ABCA3: variants seen among roughly 807,000 people sequenced by gnomAD.
The protein encoded by ABCA3 is ATP binding cassette subfamily A member 3, also known as phospholipid-transporting ATPase ABCA3.
In ABCA3, 88 loss-of-function variants were observed where a neutral mutation model predicts 172.8. That is an observed-to-expected ratio of 0.51 (90% confidence interval 0.43 to 0.61). The LOEUF (loss-of-function observed/expected upper bound fraction) is 0.61. ABCA3 is among the 20% of genes least tolerant of loss of function. The pLI is 0.00. For synonymous variants in ABCA3, 1,066 were observed against 983.8 expected (o/e 1.08, Z -1.56); for missense variants, 2,164 against 2,301.0 (o/e 0.94, Z 1.22).
chr16:2,292,685 C>T (rs1325973190), intron 18 of ABCA3, among the ~76,000 whole-genome samples: 32 of 152,128 alleles, frequency 2.1e-4, no homozygotes, highest in Admixed American at 2.0e-3. Context: ...TTTGGGAGGC[C>T]GAGGTGGGCG....
At chr16:2,313,566 A>G (rs962388430) in intron 10 of ABCA3, among the ~76,000 whole-genome samples, 8 of 151,176 alleles carry the variant, frequency 5.3e-5, no homozygotes, top group Non-Finnish European at 1.2e-4. Context: ...AAAAAAAAAA[A>G]AAAAAAGAAG....
chr16:2,329,479 T>G lies in ABCA3; in HGVS notation c.-332+169A>C, dbSNP rs2093739703. ...ATAAAACCGTCACAGTTCAAAGAAG[T>G]CTTCTGGTTAGAGGAACAGACAACC... On this transcript the variant is annotated intron_variant, in intron 2 of 32. Transcript: ENST00000301732. Among the ~76,000 whole-genome samples, 5 of 152,234 alleles carry G rather than the reference T, an allele frequency of 3.3e-5. No individual in the cohort carries two copies. In the South Asian group the frequency reaches 6.2e-4, roughly 19 times the overall value.
Position 2,284,496 on chromosome 16 carries a change from A to G in ABCA3, c.3704-59T>C. 6.2e-7 allele frequency: 1 copy of G among 1,603,812 alleles called. No individual in the cohort carries two copies. Among genetic ancestry groups the G allele is most frequent in the Non-Finnish European group, 8.5e-7 (1 of 1,172,160 alleles). ...AGGGCACACCACACCCACCTCCAGG[A>G]CGGGCCTGGTCAGGGCGGGCACAGG... On this transcript the variant is annotated intron_variant, in intron 24 of 32. Transcript: ENST00000301732. This position sits in a 1 kb window ranked among gnomAD's most constrained non-coding sequence, Gnocchi z 5.9.
Position 2,281,637 on chromosome 16 carries a change from T to A in ABCA3, c.4036-128A>T. 8.3e-7 allele frequency: 1 copy of A among 1,199,124 alleles called. No individual in the cohort carries two copies. Among genetic ancestry groups the A allele is most frequent in the Non-Finnish European group, 1.2e-6 (1 of 833,516 alleles). 74.3% of individuals were successfully genotyped at this position (1,199,124 alleles called of 1,614,324 possible). ...AGGCCTTCAAGGCTTCTCGTCCCAA[T>A]CTCAGGCCCCACAGGTGCGACTCAG... On this transcript the variant is annotated intron_variant, in intron 26 of 32. Transcript: ENST00000301732. This position sits in a 1 kb window ranked among gnomAD's most constrained non-coding sequence, Gnocchi z 4.7.
chr16:2,295,731 T>C lies in ABCA3; in HGVS notation c.2273A>G (p.Tyr758Cys), dbSNP rs769831234. ...LFLKQKYGAGYHMTLVKEPHC... is the reference protein window; with the variant it reads ...LFLKQKYGAGCHMTLVKEPHC... The stretch of plus-strand genomic sequence containing the variant: ...CGGCTCCTTCACCAGCGTCATGTGA[T>C]AGCCGGCACCTGGAATACAGGGCCA... Residue 758 changes from tyrosine (Y) to cysteine (C), a missense_variant, in exon 18 of 33, where the codon TAT (tyrosine) becomes TGT (cysteine). By Grantham distance (194) the Tyr-to-Cys change is radical. This residue lies in a region of ABCA3 where 1,343 missense variants were observed against 1,369.6 expected (regional missense o/e 0.98). Coordinates refer to ENST00000301732, the MANE Select transcript of ABCA3 (RefSeq NM_001089.3). 5 of 1,613,924 alleles carry C rather than the reference T, an allele frequency of 3.1e-6. No homozygotes were observed. Among genetic ancestry groups the C allele is most frequent in the East Asian group, 2.2e-5 (1 of 44,884 alleles).
chr16:2,297,514 G>A lies in ABCA3; in HGVS notation c.2078C>T (p.Ser693Leu), dbSNP rs200835546. ...CCTCCTGGAGATGGCGTCCATGCCCGAGGTGGGCTCGTCCAGTATCAGCAC... is the reference window on the plus strand; with the variant it reads ...CCTCCTGGAGATGGCGTCCATGCCCAAGGTGGGCTCGTCCAGTATCAGCAC... ...SKVLILDEPT[S>L]GMDAISRRAI... is the part of the protein sequence containing the mutation. Residue 693 changes from serine (S) to leucine (L), a missense_variant, in exon 17 of 33, where the codon TCG becomes TTG. By Grantham distance (145) the Ser-to-Leu change is moderately radical. Coordinates refer to ENST00000301732, the MANE Select transcript of ABCA3 (RefSeq NM_001089.3). The surrounding 1 kb of genome is among the most constrained non-coding windows in gnomAD (Gnocchi z 5.6). The A allele has an allele frequency of 3.7e-4, 592 of 1,612,876 alleles. No homozygotes were observed. The highest frequency in any genetic ancestry group is 4.3e-4 in the Non-Finnish European group (505 of 1,179,962).
chr16:2,324,769 C>G (rs2093731717), intron 5 of ABCA3, among the ~76,000 whole-genome samples: 1 of 152,072 alleles, frequency 6.6e-6, no homozygotes, highest in Admixed American at 6.6e-5. Flanking sequence ...TTTTTTGGAG[C>G]AGAGCTGGAG....
intron 7 of ABCA3, among the ~76,000 whole-genome samples, chr16:2,320,414 C>G (rs2093724249): frequency 7.6e-6 from 1 of 132,430 alleles, no homozygotes; most frequent in Non-Finnish European, 1.6e-5. Context: ...TTTTTTGAGA[C>G]AGTCTTGCTC....
chr16:2,287,287 TC>T lies in ABCA3; in HGVS notation c.3005-321del, dbSNP rs928306574. Among the ~76,000 whole-genome samples the T allele has an allele frequency of 6.6e-6, 1 of 151,080 alleles. No homozygotes were observed. The highest frequency in any genetic ancestry group is 2.4e-5 in the African/African-American group (1 of 41,324). The stretch of plus-strand genomic sequence containing the variant: ...TCCAACTATGACTACCAAGACTCTT[TC>T]TTTTTTTTTTTGAGACAGTCTTGCT... On this transcript the variant is annotated intron_variant, in intron 21 of 32. Coordinates refer to ENST00000301732, the MANE Select transcript of ABCA3 (RefSeq NM_001089.3). The surrounding 1 kb of genome is among the most constrained non-coding windows in gnomAD (Gnocchi z 4.1).
chr16:2,300,182 T>G, intron 12 of ABCA3, 34 bp from the exon 13 acceptor site: 1 of 1,612,680 alleles, frequency 6.2e-7, no homozygotes, highest in Non-Finnish European at 8.5e-7. Flanking sequence ...CAGTTTGTTT[T>G]GTTTGTGACG....
intron 10 of ABCA3, among the ~76,000 whole-genome samples, chr16:2,314,872 CTTTTTTT>C (rs35616252): frequency 1.2e-4 from 11 of 93,472 alleles, no homozygotes; most frequent in Admixed American, 3.8e-4. Flanking sequence ...AGTGCCTGGT[CTTTTTTT>C]TTTTTTTTTT....
chr16:2,298,468 CG>C lies in ABCA3; in HGVS notation c.1813del (p.Arg605GlyfsTer17). On this transcript the variant is annotated frameshift_variant, in exon 15 of 33. Transcript: ENST00000301732. LOFTEE classifies it high-confidence loss of function. ...YEISQDMVQI[R>X]KSLGLCPQHD... The stretch of plus-strand genomic sequence containing the variant: ...CTGCGGGCACAGGCCCAGGCTCTTC[CG>C]GATCTGAACCATGTCCTGGGAAATT... 1.2e-6 allele frequency: 2 copies of C among 1,614,086 alleles called. No individual in the cohort carries two copies. The highest frequency in any genetic ancestry group is 1.7e-6 in the Non-Finnish European group (2 of 1,180,038).
chr16:2,289,967 A>ACACG (rs1328413643), intron 19 of ABCA3, among the ~76,000 whole-genome samples: 1 of 144,252 alleles, frequency 6.9e-6, no homozygotes, highest in African/African-American at 2.5e-5. Flanking sequence ...TACATCACAC[A>ACACG]CACACACACA....
Position 2,284,947 on chromosome 16 carries a change from C to T in ABCA3, c.3535G>A (p.Ala1179Thr), listed in dbSNP as rs2093660508. Residue 1179 changes from alanine to threonine, a missense_variant, in exon 24 of 33, where the codon GCT (alanine) becomes ACT (threonine). This residue lies in a region of ABCA3 where 795 missense variants were observed against 881.9 expected (regional missense o/e 0.90). Coordinates refer to ENST00000301732, the MANE Select transcript of ABCA3 (RefSeq NM_001089.3). This position sits in a 1 kb window ranked among gnomAD's most constrained non-coding sequence, Gnocchi z 5.9. ...VRAFTRDGHM[A>T]DTLLLLLLYG... ...AGCAGGAGCAGCAGCAGGGTGTCAG[C>T]CATGTGGCCGTCCCGCGTGAAGGCA... 1.9e-6 allele frequency: 3 copies of T among 1,613,734 alleles called. No individual in the cohort carries two copies. The highest frequency in any genetic ancestry group is 1.3e-5 in the African/African-American group (1 of 74,896).
rs770447763 is a variant in ABCA3, at chr16:2,285,673, C to T, written c.3279-27G>A. 1.7e-5 allele frequency: 26 copies of T among 1,550,172 alleles called. No individual in the cohort carries two copies. The highest frequency in any genetic ancestry group is 4.9e-5 in the East Asian group (2 of 40,918). ...TGCGGGGGACAGAGAAGGTCAGGGA[C>T]GGAGCACAGCACGTCTGGGTGGCAG... On this transcript the variant is annotated intron_variant, in intron 22 of 32. Coordinates refer to ENST00000301732, the MANE Select transcript of ABCA3 (RefSeq NM_001089.3). The surrounding 1 kb of genome is among the most constrained non-coding windows in gnomAD (Gnocchi z 4.7).
rs1596828565 is a variant in ABCA3, at chr16:2,279,892, A to C, written c.4360-762T>G. Among the ~76,000 whole-genome samples the C allele has an allele frequency of 6.6e-6, 1 of 151,896 alleles. No homozygotes were observed. Among genetic ancestry groups the C allele is most frequent in the Admixed American group, 6.6e-5 (1 of 15,242 alleles). ...CTCCCGAGTAGCTAGGATTATAGGC[A>C]CCTGCCACCATGCCCTGCTAATTTT... is the stretch of plus-strand genomic sequence containing the variant. On this transcript the variant is annotated intron_variant, in intron 28 of 32. Transcript: ENST00000301732. The surrounding 1 kb of genome is among the most constrained non-coding windows in gnomAD (Gnocchi z 4.4).
At chr16:2,324,755 C>T (rs981237218) in intron 5 of ABCA3, among the ~76,000 whole-genome samples, 2 of 152,114 alleles carry the variant, frequency 1.3e-5, no homozygotes, top group African/African-American at 2.4e-5. Context: ...TCTCCTGGTG[C>T]GGGTTTTTTG....
intron 10 of ABCA3, among the ~76,000 whole-genome samples, chr16:2,313,339 G>C (rs2093709511): frequency 6.6e-6 from 1 of 152,040 alleles, no homozygotes; most frequent in Non-Finnish European, 1.5e-5. Context: ...TGGATCACCT[G>C]AGGTCAGGAG....
chr16:2,285,782 G>T lies in ABCA3; in HGVS notation c.3279-136C>A. On this transcript the variant is annotated intron_variant, in intron 22 of 32. Coordinates refer to ENST00000301732, the MANE Select transcript of ABCA3 (RefSeq NM_001089.3). This position sits in a 1 kb window ranked among gnomAD's most constrained non-coding sequence, Gnocchi z 4.7. ...TAAAGGGGCTTATGGGAGAGCACAA[G>T]CACCATGGTTCCATACCGGGAACAT... 1 of 821,768 alleles carries T rather than the reference G, an allele frequency of 1.2e-6. No individual in the cohort carries two copies. Among genetic ancestry groups the T allele is most frequent in the Non-Finnish European group, 2.0e-6 (1 of 496,554 alleles). The allele number at this position is 821,768 out of a possible 1,614,324, so 50.9% of individuals were successfully genotyped here. A position where few individuals can be genotyped will look rare whatever the true frequency, so the allele number is the denominator to read the frequency against.
Sources: allele counts gnomAD v4.1 joint callset (sites outside exome capture counted in the v4.1 genomes callset), GRCh38; gene constraint gnomAD v4.1.1; regional missense constraint gnomAD v4.1.1; non-coding constraint Gnocchi (gnomAD v3.1); transcripts MANE v1.5; gene names NCBI Gene and HGNC (gene_info 2026-07-23, HGNC 2026-07-21).